The following SLC25A35 variants were observed in gnomAD, a reference collection of about 807,000 sequenced individuals.
SLC25A35 encodes the protein solute carrier family 25 member 35.
A neutral mutation model predicts 30.5 loss-of-function variants in SLC25A35; 32 were observed. That is an observed-to-expected ratio of 1.05 (90% CI 0.79 to 1.41). The LOEUF is 1.41. SLC25A35 is among the 40% of genes most tolerant of loss of function. The pLI is 0.00. For missense variants in SLC25A35, 369 were observed against 388.0 expected (o/e 0.95, Z 0.41); for synonymous variants, 142 against 158.1 (o/e 0.90, Z 0.77).
At chr17:8,290,732 C>T in intron 4 of SLC25A35, 54 bp from the exon 5 acceptor site, 1 of 1,601,372 alleles carries the variant, frequency 6.2e-7, no homozygotes, top group Non-Finnish European at 8.5e-7. Context: ...TTGTCAGAGC[C>T]CACCAGGGGC....
chr17:8,288,638 A>G, downstream of SLC25A35: 1 of 888,316 alleles, frequency 1.1e-6, no homozygotes, highest in Non-Finnish European at 1.8e-6. Flanking sequence ...GGCCAACGAG[A>G]GCGCAGGGCG....
downstream of SLC25A35, chr17:8,288,145 G>A (rs1990206164): frequency 6.3e-6 from 1 of 158,838 alleles, no homozygotes; most frequent in Admixed American, 6.0e-5. Context: ...ACTTGAAAAG[G>A]ACGAGGAGGC....
chr17:8,290,387 G>T lies in SLC25A35; in HGVS notation c.*118C>A, dbSNP rs1869591116. 6.8e-7 allele frequency: 1 copy of T among 1,463,150 alleles called. No individual in the cohort carries two copies. Among genetic ancestry groups the T allele is most frequent in the Non-Finnish European group, 9.0e-7 (1 of 1,110,524 alleles). 90.6% of individuals were successfully genotyped at this position (1,463,150 alleles called of 1,614,324 possible). A position where few individuals can be genotyped will look rare whatever the true frequency, so the allele number is the denominator to read the frequency against. On this transcript the variant is annotated 3_prime_UTR_variant, in exon 5 of 5. Transcript: ENST00000577745. ...AACCCTGAGAACAGATGGGGAGTGG[G>T]GTTGGCTGTCCCCCATGGATGGATG...
chr17:8,292,588 C>A lies in SLC25A35; in HGVS notation c.376G>T (p.Val126Leu). 1 of 1,614,070 alleles carries A rather than the reference C, an allele frequency of 6.2e-7. No homozygotes were observed. Among genetic ancestry groups the A allele is most frequent in the Non-Finnish European group, 8.5e-7 (1 of 1,179,970 alleles). ...GAYLGSPIYM[V>L]KTHLQAQAAS... is the part of the protein sequence containing the mutation. ...GCCTGTGCCTGCAGGTGTGTCTTCA[C>A]CTGGGAACAAGAGAATATCATAGCC... The change falls in exon 2 of 5, where the codon GTG becomes TTG. Residue 126 changes from valine (V) to leucine (L), a missense_variant and splice_region_variant. Coordinates refer to ENST00000577745, the MANE Select transcript of SLC25A35 (RefSeq NM_001320870.2).
Position 8,290,387 on chromosome 17 carries a change from G to A in SLC25A35, c.*118C>T. 6.8e-7 allele frequency: 1 copy of A among 1,463,150 alleles called. No individual in the cohort carries two copies. The highest frequency in any genetic ancestry group is 9.0e-7 in the Non-Finnish European group (1 of 1,110,524). The allele number at this position is 1,463,150 out of a possible 1,614,324, so 90.6% of individuals were successfully genotyped here. A position where few individuals can be genotyped will look rare whatever the true frequency, so the allele number is the denominator to read the frequency against. On this transcript the variant is annotated 3_prime_UTR_variant, in exon 5 of 5. Transcript: ENST00000577745. ...AACCCTGAGAACAGATGGGGAGTGG[G>A]GTTGGCTGTCCCCCATGGATGGATG...
rs754422352 is a variant in SLC25A35, at chr17:8,291,406, G to A, written c.521C>T (p.Pro174Leu). ...GLWRGALGGL[P>L]RVIVGSSTQL... ...GGTGGAGGAACCGACGATAACTCGG[G>A]GCAGGCCGCCCAGAGCCCCACGCCA... is the stretch of plus-strand genomic sequence containing the variant. Residue 174 changes from proline (P) to leucine (L), a missense_variant, in exon 3 of 5, where the codon CCC (proline) becomes CTC (leucine). Physicochemically the swap from Pro to Leu is moderately conservative, Grantham distance 98. Transcript: ENST00000577745. 6 of 1,614,170 alleles carry A rather than the reference G, an allele frequency of 3.7e-6. No individual in the cohort carries two copies. The South Asian group carries it at 4.4e-5, about 12-fold the overall frequency.
Position 8,290,903 on chromosome 17 carries a change from A to G in SLC25A35, c.668T>C (p.Met223Thr). 4.3e-6 allele frequency: 7 copies of G among 1,614,130 alleles called. No individual in the cohort carries two copies. Among genetic ancestry groups the G allele is most frequent in the Non-Finnish European group, 5.9e-6 (7 of 1,179,994 alleles). ...TGTGCAGGCCACATCAAAGGGTGCCATGGCCAAGACAACTGCAATGCCACT... is the reference window on the plus strand; with the variant it reads ...TGTGCAGGCCACATCAAAGGGTGCCGTGGCCAAGACAACTGCAATGCCACT... ...MMSGIAVVLA[M>T]APFDVACTRL... The change falls in exon 4 of 5, where the codon ATG (methionine) becomes ACG (threonine). Residue 223 changes from methionine (M) to threonine (T), a missense_variant. Transcript: ENST00000577745.
chr17:8,292,053 A>C (rs898830508), intron 2 of SLC25A35, among the ~76,000 whole-genome samples: 1 of 152,218 alleles, frequency 6.6e-6, no homozygotes, highest in African/African-American at 2.4e-5. Context: ...GTGGTGGCGC[A>C]TGGCTGTAAT....
downstream of SLC25A35, chr17:8,288,553 G>T: frequency 3.3e-6 from 2 of 599,496 alleles, no homozygotes; most frequent in Non-Finnish European, 5.9e-6. Flanking sequence ...CCACCGTCCC[G>T]CCAGGCGCAC....
At chr17:8,293,675 C>A (rs887171775) in intron 1 of SLC25A35, among the ~76,000 whole-genome samples, 5 of 150,762 alleles carry the variant, frequency 3.3e-5, no homozygotes, top group African/African-American at 1.2e-4. Context: ...CCTCAGCCTC[C>A]GGAGTAGCTG....
In SLC25A35 at chr17:8,294,677, C is replaced by T; in HGVS notation, c.131G>A (p.Arg44Gln). Residue 44 changes from arginine (R) to glutamine (Q), a missense_variant, in exon 1 of 5, where the codon CGA becomes CAA. Physicochemically the swap from Arg to Gln is conservative, Grantham distance 43. Transcript: ENST00000577745. Reference protein sequence around the residue: ...QAPGTYQRHYRNVFHAFITIG... With the variant: ...QAPGTYQRHYQNVFHAFITIG... The stretch of plus-strand genomic sequence containing the variant: ...GGTGATGAAGGCATGGAAGACATTT[C>T]GGTAGTGCCGCTGGTATGTGCCAGG... 6.2e-7 allele frequency: 1 copy of T among 1,614,198 alleles called. No individual in the cohort carries two copies.
At chr17:8,291,282 C>T in intron 3 of SLC25A35, 51 bp downstream of exon 3, 1 of 1,603,532 alleles carries the variant, frequency 6.2e-7, no homozygotes, top group Non-Finnish European at 8.5e-7. Flanking sequence ...TGCAGCTTGC[C>T]CTCCCCTTCC....
chr17:8,295,199 A>T lies in SLC25A35; in HGVS notation c.-392T>A. 1 of 1,006,612 alleles carries T rather than the reference A, an allele frequency of 9.9e-7. No homozygotes were observed. Among genetic ancestry groups the T allele is most frequent in the South Asian group, 4.5e-5 (1 of 22,368 alleles). 62.4% of individuals were successfully genotyped at this position (1,006,612 alleles called of 1,614,324 possible). A position where few individuals can be genotyped will look rare whatever the true frequency, so the allele number is the denominator to read the frequency against. Reference sequence around the variant, plus strand: ...GAAGCCAGGGAGGCAGGAAGAAGAAAGCCAGCAAGTGAGAGAAGAAAAGGA... The same window carrying T: ...GAAGCCAGGGAGGCAGGAAGAAGAATGCCAGCAAGTGAGAGAAGAAAAGGA... On this transcript the variant is annotated 5_prime_UTR_variant, in exon 1 of 5. Coordinates refer to ENST00000577745, the MANE Select transcript of SLC25A35 (RefSeq NM_001320870.2).
At chr17:8,288,844 C>T, downstream of SLC25A35, 1 of 1,614,236 alleles carries the variant, frequency 6.2e-7, no homozygotes, top group Non-Finnish European at 8.5e-7. Flanking sequence ...GCCATCCTCC[C>T]CATGGGGGCC....
chr17:8,290,821 C>T, intron 4 of SLC25A35, 21 bp downstream of exon 4: 1 of 1,609,648 alleles, frequency 6.2e-7, no homozygotes, highest in South Asian at 1.1e-5. Context: ...TTCCCGCCTG[C>T]ATCCCAGAGC....
chr17:8,288,395 C>G (rs754534997), downstream of SLC25A35: 1 of 306,178 alleles, frequency 3.3e-6, no homozygotes, highest in South Asian at 3.1e-5. Flanking sequence ...GAGCGGTGAT[C>G]GCGCCACTGC....
At position 8,294,316 on chromosome 17, in the gene SLC25A35, G is replaced by GC. The variant is rs904663042; in HGVS notation, c.375+116dup. The GC allele has an allele frequency of 8.5e-5, 95 of 1,119,118 alleles. No homozygotes were observed. In the African/African-American group the frequency reaches 1.3e-3, roughly 15 times the overall value. The allele number at this position is 1,119,118 out of a possible 1,614,324, so 69.3% of individuals were successfully genotyped here. A position where few individuals can be genotyped will look rare whatever the true frequency, so the allele number is the denominator to read the frequency against. On this transcript the variant is annotated intron_variant, in intron 1 of 4. Transcript: ENST00000577745. ...CGAAGCCTACCAGCACTTTCCTGATGCCTTTCCCTGCTTGCAGTGGGGCAG... is the reference window on the plus strand; with the variant it reads ...CGAAGCCTACCAGCACTTTCCTGATGCCCTTTCCCTGCTTGCAGTGGGGCAG...
downstream of SLC25A35, chr17:8,288,413 C>T (rs532275529): frequency 5.7e-4 from 197 of 346,406 alleles, 2 homozygotes; most frequent in South Asian, 3.9e-3. Context: ...TGCATTACAG[C>T]CTGGGCGACA....
chr17:8,292,612 C>T (rs1345092735), intron 1 of SLC25A35, 24 bp from the exon 2 acceptor site: 1 of 1,613,182 alleles, frequency 6.2e-7, no homozygotes, highest in Non-Finnish European at 8.5e-7. Flanking sequence ...AATATCATAG[C>T]CTGTGCCCCA....
Sources: allele counts gnomAD v4.1 joint callset (sites outside exome capture counted in the v4.1 genomes callset), GRCh38; gene constraint gnomAD v4.1.1; transcripts MANE v1.5; gene names NCBI Gene and HGNC (gene_info 2026-07-23, HGNC 2026-07-21).